The following CADM2 variants were observed in gnomAD, a reference collection of about 807,000 sequenced individuals.
CADM2 encodes cell adhesion molecule 2, also known as immunoglobulin superfamily member 4D.
A neutral mutation model predicts 49.8 loss-of-function variants in CADM2; 12 were observed. The observed-to-expected ratio is 0.24, with a 90% CI of 0.15 to 0.39. The LOEUF is 0.39. Ranked by LOEUF, CADM2 falls within the 10% of genes least tolerant of loss-of-function variation. CADM2 has a pLI of 1.00. For synonymous variants in CADM2, 214 were observed against 175.4 expected, an observed-to-expected ratio of 1.22 and a Z score of -1.74; for missense variants, 378 against 492.3, an observed-to-expected ratio of 0.77 and a Z score of 2.20.
chr3:85,364,630 T>C (rs1056423353), intron 1 of CADM2, among the ~76,000 whole-genome samples: 1 of 152,200 alleles, frequency 6.6e-6, no homozygotes, highest in Admixed American at 6.5e-5. Context: ...TTTATAAATC[T>C]AAAATGATCT....
chr3:85,743,041 G>A (rs954012479), intron 2 of CADM2, among the ~76,000 whole-genome samples: 1 of 152,036 alleles, frequency 6.6e-6, no homozygotes, highest in Non-Finnish European at 1.5e-5. Flanking sequence ...ACTACTCTCT[G>A]GGTGGTTTAT....
intron 1 of CADM2, among the ~76,000 whole-genome samples, chr3:85,158,457 A>G (rs1053352864): frequency 6.6e-6 from 1 of 152,220 alleles, no homozygotes; most frequent in Non-Finnish European, 1.5e-5. Context: ...TCCAACAATG[A>G]TAGACTGGAT....
At chr3:85,987,697 TAAA>T (rs1246582527) in intron 8 of CADM2, among the ~76,000 whole-genome samples, 1 of 146,650 alleles carries the variant, frequency 6.8e-6, no homozygotes, top group South Asian at 2.1e-4. Context: ...AATAATATAA[TAAA>T]AATAATATAT....
chr3:85,716,455 G>T (rs1483801662), intron 1 of CADM2, among the ~76,000 whole-genome samples: 2 of 151,966 alleles, frequency 1.3e-5, no homozygotes, highest in South Asian at 2.1e-4. Context: ...TCTGTAGATT[G>T]CCTGTTCACT....
At chr3:85,242,411 G>C (rs761640147) in intron 1 of CADM2, among the ~76,000 whole-genome samples, 3 of 151,266 alleles carry the variant, frequency 2.0e-5, no homozygotes, top group Non-Finnish European at 4.4e-5. Flanking sequence ...TATTTAAAAA[G>C]AGCATCATGA....
chr3:85,558,150 CTT>C (rs1294148394), intron 1 of CADM2, among the ~76,000 whole-genome samples: 2 of 151,806 alleles, frequency 1.3e-5, no homozygotes, highest in African/African-American at 2.4e-5. Context: ...GTTATGTTCT[CTT>C]TGTTTCTCAA....
chr3:85,782,339 T>C (rs147598182), intron 2 of CADM2, among the ~76,000 whole-genome samples: 206 of 152,302 alleles, frequency 1.4e-3, no homozygotes, highest in Admixed American at 2.4e-3. Flanking sequence ...TCTACTCTGC[T>C]ATAATGAATG....
At chr3:85,498,459 T>G (rs1249221729) in intron 1 of CADM2, among the ~76,000 whole-genome samples, 1 of 152,132 alleles carries the variant, frequency 6.6e-6, no homozygotes, top group Non-Finnish European at 1.5e-5. Flanking sequence ...GTAACATCTA[T>G]AGTGAATGAT....
intron 1 of CADM2, among the ~76,000 whole-genome samples, chr3:85,346,766 A>T (rs2030700210): frequency 6.6e-6 from 1 of 152,168 alleles, no homozygotes; most frequent in Non-Finnish European, 1.5e-5. Context: ...TCAATACCAG[A>T]TGTGGGGATA....
At chr3:85,997,363 G>A (rs1025779302) in intron 8 of CADM2, among the ~76,000 whole-genome samples, 1 of 152,106 alleles carries the variant, frequency 6.6e-6, no homozygotes, top group East Asian at 1.9e-4. Flanking sequence ...TAATCTATAA[G>A]CTGAGGAACA....
At chr3:85,123,863 A>G (rs1202228140) in intron 1 of CADM2, among the ~76,000 whole-genome samples, 4 of 152,212 alleles carry the variant, frequency 2.6e-5, no homozygotes, top group Non-Finnish European at 5.9e-5. Flanking sequence ...AAAATTGCAC[A>G]AGACAAATTT....
chr3:85,024,559 T>C (rs2034642344), intron 1 of CADM2, among the ~76,000 whole-genome samples: 1 of 152,092 alleles, frequency 6.6e-6, no homozygotes, highest in Non-Finnish European at 1.5e-5. Flanking sequence ...GGATATTATA[T>C]CTTTATCCAC....
At chr3:85,978,252 A>G (rs139231661) in intron 8 of CADM2, among the ~76,000 whole-genome samples, 1 of 151,712 alleles carries the variant, frequency 6.6e-6, no homozygotes, top group East Asian at 2.0e-4. Flanking sequence ...GCTGCTCTTC[A>G]TATTTTCAGC....
intron 3 of CADM2, among the ~76,000 whole-genome samples, chr3:85,854,371 A>G (rs2075223904): frequency 6.6e-6 from 1 of 152,186 alleles, no homozygotes; most frequent in Non-Finnish European, 1.5e-5. Context: ...AAAGACTTGG[A>G]ACCAACCCAA....
At chr3:85,267,115 T>G (rs956731082) in intron 1 of CADM2, among the ~76,000 whole-genome samples, 1 of 147,440 alleles carries the variant, frequency 6.8e-6, no homozygotes, top group Non-Finnish European at 1.5e-5. Flanking sequence ...AAATTCTGTA[T>G]CTAGAGTGAA....
intron 1 of CADM2, among the ~76,000 whole-genome samples, chr3:85,332,577 A>T (rs1281855683): frequency 1.3e-5 from 2 of 151,930 alleles, no homozygotes; most frequent in Admixed American, 1.3e-4. Context: ...CAGTTGTTGG[A>T]CTTAGTTATA....
At position 85,568,518 on chromosome 3, in the gene CADM2, C is replaced by CTTTCTTTCTTTCTTT. The variant is rs2062380018; in HGVS notation, c.62-158004_62-158003insTTTCTTTCTTTCTTT. 2.5e-5 allele frequency among the ~76,000 whole-genome samples: 2 copies of CTTTCTTTCTTTCTTT among 80,164 alleles called. 1 individual carries two copies. Among genetic ancestry groups the CTTTCTTTCTTTCTTT allele is most frequent in the South Asian group, 9.5e-4 (2 of 2,104 alleles). The allele number at this position is 80,164 out of a possible 152,430, so 52.6% of individuals were successfully genotyped here. A position where few individuals can be genotyped will look rare whatever the true frequency, so the allele number is the denominator to read the frequency against. ...TTCTTTCTTTCTTTCTTTCTTTCCT[C>CTTTCTTTCTTTCTTT]CCTCCCTCCCTCTCTCTTTTCTTTC... On this transcript the variant is annotated intron_variant, in intron 1 of 9. Coordinates refer to ENST00000383699, the MANE Select transcript of CADM2 (RefSeq NM_001167675.2).
At chr3:86,012,635 CG>C in intron 8 of CADM2, 1 of 1,556,422 alleles carries the variant, frequency 6.4e-7, no homozygotes. Flanking sequence ...CAGGTTCCCG[CG>C]GGACCCGGCC....
intron 1 of CADM2, among the ~76,000 whole-genome samples, chr3:85,600,934 C>G (rs1031158691): frequency 1.3e-5 from 2 of 150,210 alleles, no homozygotes; most frequent in African/African-American, 4.9e-5. Context: ...GAACTAAGTT[C>G]TACAGATATG....
Sources: allele counts gnomAD v4.1 joint callset (sites outside exome capture counted in the v4.1 genomes callset), GRCh38; gene constraint gnomAD v4.1.1; transcripts MANE v1.5; gene names NCBI Gene and HGNC (gene_info 2026-07-23, HGNC 2026-07-21).